Variants in PEX5L observed in about 807,000 individuals in gnomAD.
PEX5L encodes the protein peroxisomal biogenesis factor 5 like, also known as PEX5-related protein.
In PEX5L, 30 loss-of-function variants were observed where a neutral mutation model predicts 84.0. The observed-to-expected ratio is 0.36, with a 90% confidence interval of 0.27 to 0.48. The LOEUF is 0.48. Ranked by LOEUF, PEX5L falls within the 20% of genes least tolerant of loss-of-function variation. The pLI is 0.99. For missense variants in PEX5L, 533 were observed against 754.6 expected (o/e 0.71, Z 3.44); for synonymous variants, 270 against 283.1 (o/e 0.95, Z 0.46).
chr3:179,817,879 G>C lies in PEX5L; in HGVS notation c.940-1875C>G, dbSNP rs1053294793. 4.6e-5 allele frequency among the ~76,000 whole-genome samples: 7 copies of C among 152,320 alleles called. 1 individual carries two copies. The highest frequency in any genetic ancestry group is 1.9e-4 in the East Asian group (1 of 5,180). Reference sequence around the variant, plus strand: ...AGTAAGGGGCTATGGAGCTCAGGCAGACCTCGGGGGCACGAGTTACAGCCC... The same window carrying C: ...AGTAAGGGGCTATGGAGCTCAGGCACACCTCGGGGGCACGAGTTACAGCCC... On this transcript the variant is annotated intron_variant, in intron 9 of 14. Coordinates refer to ENST00000467460, the MANE Select transcript of PEX5L (RefSeq NM_016559.3).
intron 2 of PEX5L, among the ~76,000 whole-genome samples, chr3:179,955,225 G>T (rs1002982317): frequency 1.3e-5 from 2 of 152,138 alleles, no homozygotes; most frequent in Non-Finnish European, 2.9e-5. Context: ...AGAATAATAA[G>T]AACTAATTTG....
intron 14 of PEX5L, among the ~76,000 whole-genome samples, chr3:179,803,581 A>G (rs1046767938): frequency 6.6e-6 from 1 of 152,078 alleles, no homozygotes; most frequent in Non-Finnish European, 1.5e-5. Context: ...TTTCACCCCA[A>G]CCTTGTTGAG....
At chr3:179,880,432 C>T (rs1753815290) in intron 4 of PEX5L, among the ~76,000 whole-genome samples, 1 of 152,130 alleles carries the variant, frequency 6.6e-6, no homozygotes. Flanking sequence ...TATTGCTTTG[C>T]TTTATTTATA....
At chr3:179,958,810 A>G (rs1318683029) in intron 2 of PEX5L, among the ~76,000 whole-genome samples, 2 of 152,222 alleles carry the variant, frequency 1.3e-5, no homozygotes, top group Non-Finnish European at 2.9e-5. Context: ...TCTTTATCAA[A>G]GTATAAATGA....
At chr3:179,834,471 TG>T (rs1373271325) in intron 8 of PEX5L, among the ~76,000 whole-genome samples, 2 of 152,236 alleles carry the variant, frequency 1.3e-5, no homozygotes, top group East Asian at 3.9e-4. Flanking sequence ...GGCTCATGAC[TG>T]TACCCACCAC....
At chr3:179,889,619 G>T (rs1451653777) in intron 3 of PEX5L, among the ~76,000 whole-genome samples, 1 of 152,102 alleles carries the variant, frequency 6.6e-6, no homozygotes, top group East Asian at 1.9e-4. Flanking sequence ...CGCAGATTTT[G>T]CTAGGAATCA....
At chr3:179,841,833 A>G (rs1737424225) in intron 8 of PEX5L, among the ~76,000 whole-genome samples, 1 of 152,204 alleles carries the variant, frequency 6.6e-6, no homozygotes, top group Non-Finnish European at 1.5e-5. Flanking sequence ...TGCCTTCTGT[A>G]TGTGTCACCT....
At chr3:179,802,463 A>C (rs915123017) in intron 14 of PEX5L, among the ~76,000 whole-genome samples, 7 of 145,526 alleles carry the variant, frequency 4.8e-5, no homozygotes, top group African/African-American at 1.5e-4. Context: ...TGAACCCAGG[A>C]GACAGAGGTT....
chr3:179,947,657 G>T (rs192357679), intron 2 of PEX5L, among the ~76,000 whole-genome samples: 1 of 150,724 alleles, frequency 6.6e-6, no homozygotes, highest in East Asian at 1.9e-4. Context: ...CTTTGTAGTT[G>T]CCAAATTTTA....
chr3:179,928,386 C>T (rs757239674), intron 2 of PEX5L, among the ~76,000 whole-genome samples: 1 of 152,110 alleles, frequency 6.6e-6, no homozygotes, highest in East Asian at 1.9e-4. Context: ...TGGAGGAGGT[C>T]CCAGGAGACA....
chr3:179,843,880 T>C (rs923222642), intron 8 of PEX5L, among the ~76,000 whole-genome samples: 2 of 152,188 alleles, frequency 1.3e-5, no homozygotes, highest in Non-Finnish European at 1.5e-5. Flanking sequence ...GTCCCATCTT[T>C]CCTGACACCT....
chr3:179,873,259 A>G (rs1288108365), intron 7 of PEX5L, among the ~76,000 whole-genome samples: 1 of 152,204 alleles, frequency 6.6e-6, no homozygotes, highest in East Asian at 1.9e-4. Context: ...CTAATATGTA[A>G]GAAGTCCTTA....
intron 2 of PEX5L, among the ~76,000 whole-genome samples, chr3:179,948,543 T>C (rs915158715): frequency 6.6e-6 from 1 of 152,138 alleles, no homozygotes; most frequent in Non-Finnish European, 1.5e-5. Flanking sequence ...ATGGGAGAAA[T>C]ACAATTAGAC....
chr3:180,015,866 CAT>C (rs998649132), intron 1 of PEX5L, among the ~76,000 whole-genome samples: 9 of 134,318 alleles, frequency 6.7e-5, no homozygotes, highest in Admixed American at 2.1e-4. Flanking sequence ...TAATATATAA[CAT>C]ATAATATATA....
intron 2 of PEX5L, chr3:179,902,536 T>C (rs1761748924): frequency 3.4e-6 from 1 of 289,904 alleles, no homozygotes. Flanking sequence ...AAAAGTAACC[T>C]AAGTATTTCA....
At chr3:179,824,631 G>A (rs1048081350) in intron 8 of PEX5L, among the ~76,000 whole-genome samples, 3 of 150,766 alleles carry the variant, frequency 2.0e-5, no homozygotes, top group East Asian at 2.0e-4. Context: ...ACTTGAACCC[G>A]GCAGGCGGAG....
At chr3:179,860,286 G>A (rs149657628) in intron 7 of PEX5L, among the ~76,000 whole-genome samples, 72 of 152,370 alleles carry the variant, frequency 4.7e-4, no homozygotes, top group African/African-American at 1.7e-3. Context: ...CTGAGACACA[G>A]TGAGGCCTTG....
chr3:180,007,732 C>T (rs940668438), intron 1 of PEX5L, among the ~76,000 whole-genome samples: 1 of 152,210 alleles, frequency 6.6e-6, no homozygotes, highest in African/African-American at 2.4e-5. Flanking sequence ...TGGAAGCTGC[C>T]AAGGTTTGTG....
intron 13 of PEX5L, 76 bp from the exon 14 acceptor site, chr3:179,807,907 AG>A: frequency 7.3e-7 from 1 of 1,367,226 alleles, no homozygotes; most frequent in Non-Finnish European, 1.0e-6. Context: ...TTCTCTGCAG[AG>A]AAAGGAAGAT....
Sources: gnomAD v4.1 joint callset for allele counts (sites outside exome capture counted in the v4.1 genomes callset) on GRCh38, gnomAD v4.1.1 for gene constraint, MANE v1.5 for transcripts, NCBI Gene and HGNC (gene_info 2026-07-23, HGNC 2026-07-21) for gene names.